Variants in BTAF1 observed in about 807,000 individuals in gnomAD.
BTAF1 encodes B-TFIID TATA-box binding protein associated factor 1.
A neutral mutation model predicts 227.1 loss-of-function variants in BTAF1; 38 were observed. The ratio of observed to expected loss-of-function variants is 0.17; its 90% CI spans 0.13 to 0.22. The LOEUF (loss-of-function observed/expected upper bound fraction) is 0.22, where lower values mean the gene tolerates loss of function less well. Ranked by LOEUF, BTAF1 falls within the 10% of genes least tolerant of loss-of-function variation. The probability of loss-of-function intolerance (pLI) is 1.00; values close to 1 mark genes in which losing one functional copy is unlikely to be tolerated. For synonymous variants in BTAF1, 742 were observed against 751.9 expected, an observed-to-expected ratio of 0.99 and a Z score of 0.21; for missense variants, 1,598 against 2,204.0, an observed-to-expected ratio of 0.73 and a Z score of 5.51.
chr10:91,942,698 T>G, intron 4 of BTAF1, 130 bp downstream of exon 4: 2 of 1,037,206 alleles, frequency 1.9e-6, no homozygotes, highest in South Asian at 3.5e-5. Context: ...AGTTTGCAGG[T>G]GGCGGGGGAT....
intron 19 of BTAF1, among the ~76,000 whole-genome samples, chr10:91,988,730 G>A (rs1397626950): frequency 1.3e-5 from 2 of 152,164 alleles, no homozygotes; most frequent in Non-Finnish European, 2.9e-5. Context: ...CCACTCTTAA[G>A]TTTTCACGAG....
chr10:91,997,653 G>A lies in BTAF1; in HGVS notation c.3562G>A (p.Val1188Ile), dbSNP rs757708606. The A allele has an allele frequency of 5.6e-6, 9 of 1,613,842 alleles. No individual in the cohort carries two copies. The highest frequency in any genetic ancestry group is 1.1e-5 in the South Asian group (1 of 91,080). Residue 1188 changes from valine to isoleucine, a missense_variant, in exon 25 of 38, where the codon GTT becomes ATT. Transcript: ENST00000265990. ...VGIVPYIVLL[V>I]VPVLGRMSDQ... ...TATTGTTCCATATATTGTCCTTTTA[G>A]TTGTTCCTGTATTAGGAAGAATGAG...
At chr10:91,955,715 T>A (rs1484291886) in intron 6 of BTAF1, among the ~76,000 whole-genome samples, 1 of 152,176 alleles carries the variant, frequency 6.6e-6, no homozygotes, top group Non-Finnish European at 1.5e-5. Flanking sequence ...GACAAATGCC[T>A]GCAAGGGGAA....
Position 91,956,509 on chromosome 10 carries a change from G to C in BTAF1, c.702-19G>C, listed in dbSNP as rs899992323. 6 of 1,586,610 alleles carry C rather than the reference G, an allele frequency of 3.8e-6. No homozygotes were observed. The African/African-American group carries it at 8.2e-5, about 22-fold the overall frequency. Reference sequence around the variant, plus strand: ...ATTACGCTTTATTCATTTTCTAAATGGTGACTTTTATTTTTTAGCAATGAT... The same window carrying C: ...ATTACGCTTTATTCATTTTCTAAATCGTGACTTTTATTTTTTAGCAATGAT... On this transcript the variant is annotated intron_variant, in intron 6 of 37. Coordinates refer to ENST00000265990, the MANE Select transcript of BTAF1 (RefSeq NM_003972.3).
chr10:92,016,764 C>G (rs1243515012), intron 33 of BTAF1, among the ~76,000 whole-genome samples: 2 of 152,126 alleles, frequency 1.3e-5, no homozygotes, highest in African/African-American at 4.8e-5. Context: ...CATGAGCCAC[C>G]ACGTCTGGCC....
At chr10:91,931,396 C>A (rs1360377933) in intron 1 of BTAF1, among the ~76,000 whole-genome samples, 1 of 152,190 alleles carries the variant, frequency 6.6e-6, no homozygotes, top group Non-Finnish European at 1.5e-5. Context: ...TGGTACCTTC[C>A]ATGCAACTTG....
rs772687478 is a variant in BTAF1 at position 92,027,097 on chromosome 10, T to C, written c.5236-33T>C. ...CGTTGGAACCTCAAAGCATAATATG[T>C]GTTACGGTTGCTTAACTGTTTTTCT... On this transcript the variant is annotated intron_variant, in intron 36 of 37. Coordinates refer to ENST00000265990, the MANE Select transcript of BTAF1 (RefSeq NM_003972.3). The C allele has an allele frequency of 1.9e-5, 30 of 1,589,844 alleles. No individual in the cohort carries two copies. The East Asian group carries it at 5.8e-4, about 31-fold the overall frequency.
rs772742448 is a variant in BTAF1 at position 92,013,969 on chromosome 10, T to A, written c.4524T>A (p.Val1508=). Residue 1508 remains valine (V), a synonymous_variant, in exon 32 of 38, where the codon GTT becomes GTA. Transcript: ENST00000265990. ...PFLLRRMKED[V]LQDLPPKIIQ... is the part of the protein sequence containing the mutation. ...TTTTGAGAAGAATGAAAGAAGATGTTTTGCAGGATCTTCCACCTAAAATTA... is the reference window on the plus strand; with the variant it reads ...TTTTGAGAAGAATGAAAGAAGATGTATTGCAGGATCTTCCACCTAAAATTA... The A allele has an allele frequency of 1.2e-6, 2 of 1,613,752 alleles. No individual in the cohort carries two copies. The highest frequency in any genetic ancestry group is 1.7e-6 in the Non-Finnish European group (2 of 1,179,972).
At chr10:91,970,562 A>G (rs1317200884) in intron 14 of BTAF1, among the ~76,000 whole-genome samples, 2 of 152,210 alleles carry the variant, frequency 1.3e-5, no homozygotes, top group Non-Finnish European at 2.9e-5. Flanking sequence ...ATTCGCTGTC[A>G]TGAGAACAGC....
At position 91,963,612 on chromosome 10, in the gene BTAF1, G is replaced by C. The variant is rs1846680500; in HGVS notation, c.1405-465G>C. Among the ~76,000 whole-genome samples the C allele has an allele frequency of 2.0e-5, 3 of 151,982 alleles. No homozygotes were observed. The South Asian group carries it at 6.2e-4, about 32-fold the overall frequency. On this transcript the variant is annotated intron_variant, in intron 12 of 37. Transcript: ENST00000265990. Reference sequence around the variant, plus strand: ...AAATGACTTTTTTAAAGATCTGGCTGACTTTCCACCTTATTATCAAAATCA... The same window carrying C: ...AAATGACTTTTTTAAAGATCTGGCTCACTTTCCACCTTATTATCAAAATCA...
chr10:91,993,930 C>T, intron 22 of BTAF1, 83 bp downstream of exon 22: 1 of 1,064,902 alleles, frequency 9.4e-7, no homozygotes. Context: ...ATAAAAATGC[C>T]TCTATGCCTC....
At chr10:91,997,291 G>A in intron 24 of BTAF1, 1 of 616,140 alleles carries the variant, frequency 1.6e-6, no homozygotes, top group Non-Finnish European at 2.5e-6. Context: ...TTTTGACATT[G>A]GAATTCCAGA....
chr10:92,016,246 A>G, intron 32 of BTAF1, 94 bp from the exon 33 acceptor site: 3 of 1,447,966 alleles, frequency 2.1e-6, no homozygotes, highest in Non-Finnish European at 2.8e-6. Context: ...GGGCTGATTT[A>G]AATTACTGCT....
At chr10:91,991,776 T>A (rs1848773597) in intron 20 of BTAF1, among the ~76,000 whole-genome samples, 1 of 77,434 alleles carries the variant, frequency 1.3e-5, no homozygotes, top group African/African-American at 8.7e-5. Flanking sequence ...ATTATATATA[T>A]GTGTGTGTGT....
intron 25 of BTAF1, among the ~76,000 whole-genome samples, chr10:92,001,958 A>C (rs1489384702): frequency 8.3e-6 from 1 of 120,752 alleles, no homozygotes; most frequent in African/African-American, 2.8e-5. Flanking sequence ...AAAAAAAAAA[A>C]AAAAAAAAAC....
chr10:92,019,871 A>C (rs1850998465), intron 34 of BTAF1, among the ~76,000 whole-genome samples: 1 of 144,530 alleles, frequency 6.9e-6, no homozygotes, highest in African/African-American at 2.5e-5. Context: ...GAGTTGTGAA[A>C]GTTTTGTTTT....
intron 1 of BTAF1, among the ~76,000 whole-genome samples, chr10:91,925,387 A>G (rs1357624770): frequency 6.6e-6 from 1 of 152,200 alleles, no homozygotes; most frequent in African/African-American, 2.4e-5. Flanking sequence ...TTATCAGGTA[A>G]TAGTGTTTAA....
In BTAF1 at chr10:91,965,085, G is replaced by T. The variant is rs550033281; in HGVS notation, c.1529+884G>T. On this transcript the variant is annotated intron_variant, in intron 13 of 37. Transcript: ENST00000265990. ...CCTACTGGAAGTACTTTAATGCTAA[G>T]TTTAGATTAGTTGGATAGCCTATAA... is the stretch of plus-strand genomic sequence containing the variant. Among the ~76,000 whole-genome samples the T allele has an allele frequency of 2.6e-5, 4 of 152,228 alleles. No homozygotes were observed. In the South Asian group the frequency reaches 8.3e-4, roughly 32 times the overall value.
intron 4 of BTAF1, among the ~76,000 whole-genome samples, chr10:91,946,334 G>C (rs1354243449): frequency 6.6e-6 from 1 of 152,116 alleles, no homozygotes; most frequent in East Asian, 1.9e-4. Context: ...ACTTCAGCCT[G>C]GGCAACAAGA....
Sources: allele counts gnomAD v4.1 joint callset (sites outside exome capture counted in the v4.1 genomes callset), GRCh38; gene constraint gnomAD v4.1.1; transcripts MANE v1.5; gene names NCBI Gene and HGNC (gene_info 2026-07-23, HGNC 2026-07-21).